The following ANK3 variants were observed in gnomAD, a reference collection of about 807,000 sequenced individuals.
ANK3 encodes the protein ankyrin 3, also known as ankyrin-3.
Under a neutral mutation model 370.9 loss-of-function variants are expected in ANK3, and 57 were observed. The ratio of observed to expected loss-of-function variants is 0.15; its 90% CI spans 0.12 to 0.19. The LOEUF is 0.19. ANK3 is among the 10% of genes least tolerant of loss of function. The pLI is 1.00. For missense variants in ANK3, 4,439 were observed against 5,302.1 expected (o/e 0.84, Z 5.06); for synonymous variants, 1,929 against 1,946.3 (o/e 0.99, Z 0.23).
intron 17 of ANK3, among the ~76,000 whole-genome samples, chr10:60,185,336 A>T (rs948244789): frequency 1.1e-4 from 17 of 152,240 alleles, no homozygotes; most frequent in African/African-American, 3.9e-4. Context: ...CTCCAAAATT[A>T]AAAAAACGAT....
At chr10:60,392,001 C>A (rs564679219), upstream of ANK3, among the ~76,000 whole-genome samples, 1 of 152,234 alleles carries the variant, frequency 6.6e-6, no homozygotes, top group East Asian at 1.9e-4. Context: ...CTTTTATCTT[C>A]CATTTCTAAA....
At chr10:60,194,433 G>C (rs1167812993) in intron 16 of ANK3, among the ~76,000 whole-genome samples, 1 of 152,040 alleles carries the variant, frequency 6.6e-6, no homozygotes, top group Non-Finnish European at 1.5e-5. Flanking sequence ...CTCTACCCTT[G>C]ACATCCACCA....
chr10:60,335,216 G>C (rs1594012691), intron 1 of ANK3, among the ~76,000 whole-genome samples: 1 of 152,050 alleles, frequency 6.6e-6, no homozygotes, highest in South Asian at 2.1e-4. Flanking sequence ...ATGAGGTTGT[G>C]GCTAGTAAGG....
intron 6 of ANK3, 39 bp downstream of exon 6, chr10:60,263,796 G>A (rs757986648): frequency 9.9e-6 from 16 of 1,610,296 alleles, no homozygotes; most frequent in African/African-American, 5.3e-5. Flanking sequence ...GTCTAACACC[G>A]GAGAGTTGCA....
chr10:60,466,692 C>A (rs1204151896), intron 2 of ANK3, among the ~76,000 whole-genome samples: 2 of 152,172 alleles, frequency 1.3e-5, no homozygotes, highest in Middle Eastern at 6.8e-3. Flanking sequence ...GATGAATAAA[C>A]AACATGTATA....
chr10:60,120,107 A>T (rs2093373104), intron 25 of ANK3, among the ~76,000 whole-genome samples: 1 of 152,202 alleles, frequency 6.6e-6, no homozygotes, highest in Non-Finnish European at 1.5e-5. Context: ...GCTGGGAAAA[A>T]ATCAGGCACA....
chr10:60,358,836 T>C (rs1019067140), intron 1 of ANK3, among the ~76,000 whole-genome samples: 1 of 152,156 alleles, frequency 6.6e-6, no homozygotes, highest in Non-Finnish European at 1.5e-5. Context: ...TTCTGTTTGA[T>C]AAACCTTTTT....
At position 60,074,208 on chromosome 10, in the gene ANK3, T is replaced by A. The variant is rs768436856; in HGVS notation, c.6673A>T (p.Ser2225Cys). ...ACCCGATTGTGGTCATCTTCTTCACTACTGGCTTTCATTTGAAATGCTTTA... is the reference window on the plus strand; with the variant it reads ...ACCCGATTGTGGTCATCTTCTTCACAACTGGCTTTCATTTGAAATGCTTTA... ...KVKAFQMKAS[S>C]EEDDHNRVLS... The change falls in exon 37 of 44, where the codon AGT (serine) becomes TGT (cysteine). Residue 2225 changes from serine to cysteine, a missense_variant. Ser to Cys is a moderately radical substitution (Grantham distance 112). Coordinates refer to ENST00000280772, the MANE Select transcript of ANK3 (RefSeq NM_020987.5). The A allele has an allele frequency of 6.2e-7, 1 of 1,614,188 alleles. No homozygotes were observed. Among genetic ancestry groups the A allele is most frequent in the Non-Finnish European group, 8.5e-7 (1 of 1,180,012 alleles).
At chr10:60,111,400 A>G (rs143926962) in intron 26 of ANK3, among the ~76,000 whole-genome samples, 3 of 152,222 alleles carry the variant, frequency 2.0e-5, no homozygotes, top group Admixed American at 6.5e-5. Flanking sequence ...TTCATTAAAC[A>G]GGACATGGGT....
chr10:60,249,138 A>G (rs896152739), intron 7 of ANK3, among the ~76,000 whole-genome samples: 1 of 152,216 alleles, frequency 6.6e-6, no homozygotes, highest in Non-Finnish European at 1.5e-5. Flanking sequence ...CCTCCCAGCT[A>G]GAAAGATCTA....
intron 7 of ANK3, among the ~76,000 whole-genome samples, chr10:60,254,011 T>G (rs1286209400): frequency 6.6e-6 from 1 of 152,158 alleles, no homozygotes; most frequent in Non-Finnish European, 1.5e-5. Context: ...TCCTATGGTA[T>G]CCATGGGGAT....
chr10:60,174,309 C>T (rs376846321), intron 18 of ANK3, among the ~76,000 whole-genome samples: 14 of 152,294 alleles, frequency 9.2e-5, no homozygotes, highest in African/African-American at 3.4e-4. Context: ...CCAGACTGTC[C>T]CTGGAAAGCT....
chr10:60,185,510 C>G (rs2096300879), intron 17 of ANK3, among the ~76,000 whole-genome samples: 1 of 152,194 alleles, frequency 6.6e-6, no homozygotes, highest in Non-Finnish European at 1.5e-5. Context: ...GATTCAAACT[C>G]TCTGTGATTT....
At chr10:60,054,508 C>G (rs1277727978) in intron 42 of ANK3, among the ~76,000 whole-genome samples, 1 of 152,070 alleles carries the variant, frequency 6.6e-6, no homozygotes, top group Non-Finnish European at 1.5e-5. Context: ...ATCAAAGCAA[C>G]TTACTTACAG....
At chr10:60,478,072 G>A (rs528729035) in intron 2 of ANK3, among the ~76,000 whole-genome samples, 7 of 152,108 alleles carry the variant, frequency 4.6e-5, no homozygotes, top group South Asian at 4.1e-4. Context: ...TTGGGCAAAC[G>A]GAAACGGGGA....
At chr10:60,479,010 C>T (rs1264907972) in intron 2 of ANK3, among the ~76,000 whole-genome samples, 3 of 152,192 alleles carry the variant, frequency 2.0e-5, no homozygotes, top group East Asian at 1.9e-4. Context: ...TCCCAAACCA[C>T]GATCTCATCT....
intron 1 of ANK3, among the ~76,000 whole-genome samples, chr10:60,370,592 C>T (rs1328758298): frequency 1.3e-5 from 2 of 152,192 alleles, no homozygotes; most frequent in Non-Finnish European, 2.9e-5. Context: ...ACAATTATAA[C>T]ATCACAGTTC....
At chr10:60,518,307 G>C (rs1165453431) in intron 2 of ANK3, among the ~76,000 whole-genome samples, 1 of 152,128 alleles carries the variant, frequency 6.6e-6, no homozygotes, top group African/African-American at 2.4e-5. Flanking sequence ...CTTCCCGGCA[G>C]ATGAGATGCT....
chr10:60,415,926 C>G (rs574353539), intron 2 of ANK3, among the ~76,000 whole-genome samples: 5 of 125,564 alleles, frequency 4.0e-5, no homozygotes, highest in African/African-American at 1.5e-4. Flanking sequence ...GCCCCCCACC[C>G]CCCCGCCATT....
Sources: gnomAD v4.1 joint callset for allele counts (sites outside exome capture counted in the v4.1 genomes callset) on GRCh38, gnomAD v4.1.1 for gene constraint, MANE v1.5 for transcripts, NCBI Gene and HGNC (gene_info 2026-07-23, HGNC 2026-07-21) for gene names.